The following MAGI2 variants were observed in gnomAD, a reference collection of about 807,000 sequenced individuals.
The protein encoded by MAGI2 is membrane-associated guanylate kinase, WW and PDZ domain-containing protein 2.
Under a neutral mutation model 133.3 loss-of-function variants are expected in MAGI2, and 35 were observed. That is an observed-to-expected ratio of 0.26 (90% CI 0.20 to 0.35). The LOEUF is 0.35. Among genes scored for constraint, MAGI2 ranks in the 10% least tolerant of loss-of-function variants. MAGI2 has a pLI of 1.00. For synonymous variants in MAGI2, 729 were observed against 710.6 expected (o/e 1.03, Z -0.41); for missense variants, 1,636 against 1,863.4 (o/e 0.88, Z 2.25).
chr7:79,443,306 G>A (rs1848622389), intron 1 of MAGI2, among the ~76,000 whole-genome samples: 1 of 151,454 alleles, frequency 6.6e-6, no homozygotes, highest in African/African-American at 2.4e-5. Flanking sequence ...GTGTGTGTGT[G>A]TGTGTGTGTG....
In MAGI2 at chr7:78,019,534, C is replaced by A; in HGVS notation, c.4149G>T (p.Pro1383=). ...AGSELCRREG[P]GAAPAFAGPG... The stretch of plus-strand genomic sequence containing the variant: ...GGCCGGCAAACGCCGGCGCAGCCCC[C>A]GGGCCTTCGCGCCGGCAGAGCTCGG... The change falls in exon 22 of 22, where the codon CCG becomes CCT. Residue 1383 remains proline (P), a synonymous_variant. Coordinates refer to ENST00000354212, the MANE Select transcript of MAGI2 (RefSeq NM_012301.4). 6 of 980,400 alleles carry A rather than the reference C, an allele frequency of 6.1e-6. No homozygotes were observed. The highest frequency in any genetic ancestry group is 4.5e-5 in the South Asian group (1 of 22,010). 60.7% of individuals were successfully genotyped at this position (980,400 alleles called of 1,614,324 possible).
intron 2 of MAGI2, among the ~76,000 whole-genome samples, chr7:78,878,093 A>G (rs1207649467): frequency 6.6e-6 from 1 of 152,234 alleles, no homozygotes; most frequent in East Asian, 1.9e-4. Flanking sequence ...CCACAAAGTC[A>G]TGGTGAAAAT....
At chr7:78,443,163 G>A (rs4498477) in intron 6 of MAGI2, among the ~76,000 whole-genome samples, 139,178 of 152,056 alleles carry the variant, frequency 0.92, 64,320 homozygotes, top group East Asian at 0.98. Flanking sequence ...ACCATATTTC[G>A]TAGCTTAATC....
intron 6 of MAGI2, among the ~76,000 whole-genome samples, chr7:78,424,087 C>G (rs1799051557): frequency 6.6e-6 from 1 of 152,192 alleles, no homozygotes; most frequent in African/African-American, 2.4e-5. Flanking sequence ...GGCAGCCCCT[C>G]CCATCACAGG....
At chr7:78,959,699 T>A (rs76831144) in intron 2 of MAGI2, among the ~76,000 whole-genome samples, 4,003 of 152,308 alleles carry the variant, frequency 0.026, 178 homozygotes, top group African/African-American at 0.091. Context: ...TGATTACTTC[T>A]GAATCTGTGA....
At chr7:78,356,918 A>C (rs1792142930) in intron 7 of MAGI2, among the ~76,000 whole-genome samples, 1 of 152,212 alleles carries the variant, frequency 6.6e-6, no homozygotes, top group African/African-American at 2.4e-5. Flanking sequence ...TTTTGGGTTT[A>C]AGCTACAATT....
intron 2 of MAGI2, among the ~76,000 whole-genome samples, chr7:78,634,133 G>A (rs553917228): frequency 6.6e-6 from 1 of 152,250 alleles, no homozygotes; most frequent in African/African-American, 2.4e-5. Flanking sequence ...TACTGTTTGA[G>A]TATGAAAAAA....
intron 2 of MAGI2, among the ~76,000 whole-genome samples, chr7:78,668,273 A>T (rs1813883267): frequency 1.3e-5 from 2 of 151,394 alleles, no homozygotes. Context: ...CTTTGAGTTC[A>T]TTGTAGATTC....
intron 2 of MAGI2, among the ~76,000 whole-genome samples, chr7:78,686,347 C>G (rs762381359): frequency 6.6e-6 from 1 of 152,146 alleles, no homozygotes; most frequent in Non-Finnish European, 1.5e-5. Context: ...TTCCCGTTCA[C>G]GTAAGTGTGG....
At chr7:78,606,822 C>T (rs1002918210) in intron 3 of MAGI2, among the ~76,000 whole-genome samples, 1 of 97,044 alleles carries the variant, frequency 1.0e-5, no homozygotes, top group Non-Finnish European at 2.4e-5. Context: ...GTTTACCATG[C>T]CCTCCCACAA....
At chr7:78,549,325 G>A (rs966675849) in intron 3 of MAGI2, among the ~76,000 whole-genome samples, 1 of 151,974 alleles carries the variant, frequency 6.6e-6, no homozygotes, top group Non-Finnish European at 1.5e-5. Flanking sequence ...GACCATAGTG[G>A]ATCAAGACAA....
intron 1 of MAGI2, among the ~76,000 whole-genome samples, chr7:79,406,031 C>A (rs1367901523): frequency 6.6e-6 from 1 of 151,360 alleles, no homozygotes; most frequent in South Asian, 2.1e-4. Flanking sequence ...CAGTCTTATG[C>A]ATTTGACTCT....
chr7:78,912,063 T>G (rs1402874393), intron 2 of MAGI2, among the ~76,000 whole-genome samples: 2 of 152,176 alleles, frequency 1.3e-5, no homozygotes, highest in Non-Finnish European at 2.9e-5. Context: ...GATCATCTTT[T>G]ATAATGGATT....
chr7:78,061,390 C>G (rs79325474), intron 21 of MAGI2, among the ~76,000 whole-genome samples: 1 of 147,234 alleles, frequency 6.8e-6, no homozygotes, highest in Non-Finnish European at 1.5e-5. Flanking sequence ...GAAGTATGCT[C>G]ACATCTGGGG....
intron 2 of MAGI2, among the ~76,000 whole-genome samples, chr7:78,720,847 A>G (rs1820198787): frequency 6.6e-6 from 1 of 152,134 alleles, no homozygotes; most frequent in South Asian, 2.1e-4. Context: ...CTTGGATCTA[A>G]CCTGTGGTTC....
At chr7:79,321,288 T>A (rs1839161083) in intron 1 of MAGI2, among the ~76,000 whole-genome samples, 1 of 152,192 alleles carries the variant, frequency 6.6e-6, no homozygotes, top group Non-Finnish European at 1.5e-5. Context: ...GGGCCTTGGT[T>A]TTTCAAAGAA....
intron 16 of MAGI2, among the ~76,000 whole-genome samples, chr7:78,137,514 G>C (rs1165405125): frequency 1.3e-5 from 2 of 152,096 alleles, no homozygotes; most frequent in African/African-American, 4.8e-5. Context: ...TTGTGTGTAG[G>C]TACCAACTTG....
chr7:79,256,850 T>C (rs949619903), intron 1 of MAGI2, among the ~76,000 whole-genome samples: 7 of 152,244 alleles, frequency 4.6e-5, no homozygotes, highest in African/African-American at 1.7e-4. Context: ...TCTGTTGAAG[T>C]AAAATCCATA....
At position 78,276,455 on chromosome 7, in the gene MAGI2, G is replaced by A. The variant is rs142772827; in HGVS notation, c.1409-19874C>T. Among the ~76,000 whole-genome samples the A allele has an allele frequency of 4.1e-3, 627 of 151,446 alleles. 5 individuals are homozygous for A. Among genetic ancestry groups the A allele is most frequent in the African/African-American group, 0.015 (611 of 41,054 alleles). On this transcript the variant is annotated intron_variant, in intron 9 of 21. Transcript: ENST00000354212. ...TGGGGAAAGATTAGAGCTAAGTGGT[G>A]GAATTTTATTTTTTTTTTCCCCAAA...
Sources: gnomAD v4.1 joint callset for allele counts (sites outside exome capture counted in the v4.1 genomes callset) on GRCh38, gnomAD v4.1.1 for gene constraint, MANE v1.5 for transcripts, NCBI Gene and HGNC (gene_info 2026-07-23, HGNC 2026-07-21) for gene names.